The following CCDC138 variants were observed in gnomAD, a reference collection of about 807,000 sequenced individuals.
CCDC138 encodes coiled-coil domain-containing protein 138.
CCDC138 carries 66 observed loss-of-function variants against 82.3 expected under a neutral mutation model. The ratio of observed to expected loss-of-function variants is 0.80; its 90% CI spans 0.66 to 0.98. The LOEUF is 0.98. Ranked by LOEUF, CCDC138 falls within the 50% of genes least tolerant of loss-of-function variation. The pLI, the probability that CCDC138 is intolerant of heterozygous loss-of-function variation, is 0.00. For missense variants in CCDC138, 816 were observed against 758.9 expected (o/e 1.08, Z -0.88); for synonymous variants, 297 against 265.4 (o/e 1.12, Z -1.16).
In CCDC138 at chr2:108,791,718, G is replaced by T. The variant is rs1679937566; in HGVS notation, c.310G>T (p.Glu104Ter). The T allele has an allele frequency of 8.1e-6, 13 of 1,606,624 alleles. No homozygotes were observed. Among genetic ancestry groups the T allele is most frequent in the Non-Finnish European group, 1.1e-5 (13 of 1,175,380 alleles). ...LDSFHDLKKQETEEELIENDY... is the reference protein window; with the variant it reads ...LDSFHDLKKQ ...TTCTTTCCATGATTTGAAGAAACAG[G>T]AAACAGAAGAAGAGTTAATTGAAAA... Residue 104 changes from glutamate (E) to a stop codon, truncating the protein, a stop_gained, in exon 4 of 15, where the codon GAA (glutamate) becomes TAA (stop). Transcript: ENST00000295124. LOFTEE classifies it high-confidence loss of function.
intron 13 of CCDC138, among the ~76,000 whole-genome samples, chr2:108,872,091 T>G (rs1474850194): frequency 1.3e-5 from 2 of 152,208 alleles, no homozygotes; most frequent in African/African-American, 4.8e-5. Context: ...AACCAGATCT[T>G]GACTGAGTGG....
chr2:108,790,041 T>C (rs978612135), intron 3 of CCDC138, among the ~76,000 whole-genome samples: 9 of 152,226 alleles, frequency 5.9e-5, no homozygotes, highest in African/African-American at 2.2e-4. Flanking sequence ...ATTTGGGAGC[T>C]TGACTTTTTT....
At chr2:108,786,750 G>C, upstream of CCDC138, 1 of 1,379,154 alleles carries the variant, frequency 7.3e-7, no homozygotes, top group Non-Finnish European at 1.0e-6. Context: ...ACGTCGTGAC[G>C]CACTGCGGCC....
At chr2:108,865,167 A>G (rs751306900) in intron 13 of CCDC138, among the ~76,000 whole-genome samples, 2 of 152,132 alleles carry the variant, frequency 1.3e-5, no homozygotes, top group Non-Finnish European at 2.9e-5. Context: ...TATTATGATC[A>G]GCATTATATC....
At chr2:108,816,326 C>T (rs1352801552) in intron 10 of CCDC138, among the ~76,000 whole-genome samples, 1 of 152,158 alleles carries the variant, frequency 6.6e-6, no homozygotes, top group East Asian at 1.9e-4. Context: ...TGGCACGTGC[C>T]TGTAATCTCA....
rs112744195 is a variant in CCDC138, at chr2:108,857,349, G to A, written c.1693+379G>A. ...CTCCCAAAGCACTGGGATTACAGGC[G>A]TGAGCCACTGCGCCCGGACTATTGC... On this transcript the variant is annotated intron_variant, in intron 13 of 14. Transcript: ENST00000295124. 7.8e-3 allele frequency among the ~76,000 whole-genome samples: 1,183 copies of A among 152,102 alleles called. 21 individuals carry two copies. Among genetic ancestry groups the A allele is most frequent in the African/African-American group, 0.026 (1,084 of 41,510 alleles).
intron 11 of CCDC138, among the ~76,000 whole-genome samples, chr2:108,841,179 T>C (rs1245564135): frequency 6.6e-6 from 1 of 152,184 alleles, no homozygotes; most frequent in Non-Finnish European, 1.5e-5. Flanking sequence ...TCTGTTACTC[T>C]GTTTTTCTAG....
rs772052139 is a variant in CCDC138 at position 108,873,607 on chromosome 2, C to A, written c.1832+18C>A. On this transcript the variant is annotated intron_variant, in intron 14 of 14. Coordinates refer to ENST00000295124, the MANE Select transcript of CCDC138 (RefSeq NM_144978.3). ...AAAATCAAGTAAGAATTTCTTATTT[C>A]TAACATTTTTTATTGAAAAATACCT... The A allele has an allele frequency of 2.0e-6, 3 of 1,536,378 alleles. No homozygotes were observed. The South Asian group carries it at 3.5e-5, about 18-fold the overall frequency.
intron 12 of CCDC138, among the ~76,000 whole-genome samples, chr2:108,850,011 G>A (rs774842355): frequency 6.6e-6 from 1 of 152,194 alleles, no homozygotes. Flanking sequence ...TGTAAAAGGG[G>A]CCTTTGTCCT....
intron 3 of CCDC138, among the ~76,000 whole-genome samples, chr2:108,789,569 G>T (rs1282640594): frequency 1.3e-5 from 2 of 152,204 alleles, no homozygotes; most frequent in African/African-American, 2.4e-5. Flanking sequence ...ACTCCAGCCT[G>T]GGTGATGAGC....
At chr2:108,844,865 A>G (rs139095662) in intron 11 of CCDC138, among the ~76,000 whole-genome samples, 2 of 150,444 alleles carry the variant, frequency 1.3e-5, no homozygotes, top group African/African-American at 4.9e-5. Context: ...CTCCTGCCTC[A>G]CCCTCCTGAA....
In CCDC138 at chr2:108,798,401, G is replaced by C. The variant is rs756933167; in HGVS notation, c.577-27G>C. On this transcript the variant is annotated intron_variant, in intron 5 of 14. Transcript: ENST00000295124. ...TTGCAGAATTTGTGACTTTTCAAGA[G>C]CATTAAAGTCTGGCATTTTGATACA... 1.9e-5 allele frequency: 30 copies of C among 1,596,470 alleles called. No individual in the cohort carries two copies. The Admixed American group carries it at 5.0e-4, about 26-fold the overall frequency.
rs986525757 is a variant in CCDC138, at chr2:108,788,932, T to C, written c.232T>C (p.Leu78=). Residue 78 remains leucine (L), a synonymous_variant, in exon 3 of 15, where the codon TTG becomes CTG. Coordinates refer to ENST00000295124, the MANE Select transcript of CCDC138 (RefSeq NM_144978.3). ...SDESKHCRTP[L]GSLFKHVNVN... ...TGAAAGCAAGCATTGTAGAACACCATTGGGCAGCTTATTCAAGCACGTAAA... is the reference window on the plus strand; with the variant it reads ...TGAAAGCAAGCATTGTAGAACACCACTGGGCAGCTTATTCAAGCACGTAAA... The C allele has an allele frequency of 3.7e-6, 6 of 1,614,134 alleles. No individual in the cohort carries two copies. The highest frequency in any genetic ancestry group is 5.1e-6 in the Non-Finnish European group (6 of 1,180,004).
chr2:108,853,970 A>ATATATACTATATAATATATAATAAATT, intron 12 of CCDC138, among the ~76,000 whole-genome samples: 1 of 106,712 alleles, frequency 9.4e-6, no homozygotes, highest in South Asian at 2.7e-4. Flanking sequence ...ATAATAAAAT[A>ATATATACTATATAATATATAATAAATT]TATATAATAT....
chr2:108,854,036 TA>T (rs1558738619), intron 12 of CCDC138, among the ~76,000 whole-genome samples: 5 of 108,526 alleles, frequency 4.6e-5, no homozygotes, highest in South Asian at 2.3e-4. Flanking sequence ...ATATTATATA[TA>T]ATATATAATA....
chr2:108,876,318 T>A lies in CCDC138; in HGVS notation c.*65T>A. The A allele has an allele frequency of 2.3e-6, 2 of 882,374 alleles. No individual in the cohort carries two copies. The highest frequency in any genetic ancestry group is 3.4e-6 in the Non-Finnish European group (2 of 591,580). 54.7% of individuals were successfully genotyped at this position (882,374 alleles called of 1,614,324 possible). A position where few individuals can be genotyped will look rare whatever the true frequency, so the allele number is the denominator to read the frequency against. On this transcript the variant is annotated 3_prime_UTR_variant, in exon 15 of 15. Coordinates refer to ENST00000295124, the MANE Select transcript of CCDC138 (RefSeq NM_144978.3). ...TATAAACATGTAGAAATTACCAAAG[T>A]AACTACAATTCTACCAAGTAAAGTT...
chr2:108,880,435 A>G (rs148535878), downstream of CCDC138, among the ~76,000 whole-genome samples: 1 of 152,292 alleles, frequency 6.6e-6, no homozygotes, highest in Non-Finnish European at 1.5e-5. Flanking sequence ...TGAATTATGA[A>G]CTTTCTTAAT....
At chr2:108,844,452 C>T (rs915134638) in intron 11 of CCDC138, among the ~76,000 whole-genome samples, 3 of 152,064 alleles carry the variant, frequency 2.0e-5, no homozygotes, top group Non-Finnish European at 4.4e-5. Context: ...ATGAGATTTT[C>T]TAAAAGCGTA....
In CCDC138 at chr2:108,843,902, T is replaced by C. The variant is rs1396719551; in HGVS notation, c.1324-2836T>C. 8.3e-5 allele frequency among the ~76,000 whole-genome samples: 12 copies of C among 144,422 alleles called. No homozygotes were observed. The South Asian group carries it at 2.7e-3, about 32-fold the overall frequency. The allele number at this position is 144,422 out of a possible 152,430, so 94.7% of individuals were successfully genotyped here. A position where few individuals can be genotyped will look rare whatever the true frequency, so the allele number is the denominator to read the frequency against. On this transcript the variant is annotated intron_variant, in intron 11 of 14. Coordinates refer to ENST00000295124, the MANE Select transcript of CCDC138 (RefSeq NM_144978.3). Reference sequence around the variant, plus strand: ...TGTTTCTTTCTTTTTTTTTTTTTTTTTTTTTTGAGACAGGGTCTTGCTCTG... The same window carrying C: ...TGTTTCTTTCTTTTTTTTTTTTTTTCTTTTTTGAGACAGGGTCTTGCTCTG...
Sources: gnomAD v4.1 joint callset for allele counts (sites outside exome capture counted in the v4.1 genomes callset) on GRCh38, gnomAD v4.1.1 for gene constraint, MANE v1.5 for transcripts, NCBI Gene and HGNC (gene_info 2026-07-23, HGNC 2026-07-21) for gene names.